LARP4: variants seen among roughly 807,000 people sequenced by gnomAD.
The protein encoded by LARP4 is La ribonucleoprotein 4.
A neutral mutation model predicts 92.9 loss-of-function variants in LARP4; 29 were observed. The ratio of observed to expected loss-of-function variants is 0.31; its 90% CI spans 0.23 to 0.43. The LOEUF is 0.43. Ranked by LOEUF, LARP4 falls within the 20% of genes least tolerant of loss-of-function variation. LARP4 has a pLI of 1.00. For missense variants in LARP4, 732 were observed against 860.0 expected (o/e 0.85, Z 1.86); for synonymous variants, 279 against 284.1 (o/e 0.98, Z 0.18).
intron 14 of LARP4, 68 bp downstream of exon 14, chr12:50,473,604 A>C (rs1957174351): frequency 6.5e-7 from 1 of 1,528,764 alleles, no homozygotes; most frequent in African/African-American, 1.4e-5. Context: ...GGTGGCTCTC[A>C]CCTGTAATCC....
intron 10 of LARP4, among the ~76,000 whole-genome samples, chr12:50,460,463 C>T (rs1955171768): frequency 6.6e-6 from 1 of 151,998 alleles, no homozygotes; most frequent in Non-Finnish European, 1.5e-5. Context: ...AGTAGCTGGG[C>T]ATATTATAGG....
chr12:50,412,402 C>A, intron 1 of LARP4: 1 of 973,086 alleles, frequency 1.0e-6, no homozygotes, highest in Non-Finnish European at 1.2e-6. Flanking sequence ...TTCTGTTTTA[C>A]AGCATTTATG....
chr12:50,473,497 G>A lies in LARP4; in HGVS notation c.1628G>A (p.Ser543Asn), dbSNP rs1361014635. The A allele has an allele frequency of 1.2e-6, 2 of 1,613,320 alleles. No individual in the cohort carries two copies. Among genetic ancestry groups the A allele is most frequent in the Admixed American group, 1.7e-5 (1 of 60,006 alleles). ...ACTTCTGCCCAGCAACTCAATATGA[G>A]TACCAGTTCTCCATGTGCTGCTGAG... is the stretch of plus-strand genomic sequence containing the variant. Reference protein sequence around the residue: ...ECTSAQQLNMSTSSPCAAELT... With the variant: ...ECTSAQQLNMNTSSPCAAELT... The change falls in exon 14 of 16, where the codon AGT becomes AAT. Residue 543 changes from serine to asparagine, a missense_variant. Physicochemically the swap from Ser to Asn is conservative, Grantham distance 46 (BLOSUM62 1). Around this residue, in one of 7 missense-constraint regions of LARP4, gnomAD observed 97 missense variants for 85.9 expected, o/e 1.13. Transcript: ENST00000398473.
rs988122262 is a variant in LARP4 at position 50,469,333 on chromosome 12, G to A, written c.1545+2213G>A. Among the ~76,000 whole-genome samples, 11 of 152,168 alleles carry A rather than the reference G, an allele frequency of 7.2e-5. No individual in the cohort carries two copies. In the South Asian group the frequency reaches 1.7e-3, roughly 23 times the overall value. On this transcript the variant is annotated intron_variant, in intron 13 of 15. Transcript: ENST00000398473. ...TTTTTAAAAAATGTAGGCCAGGTGC[G>A]GTGGCTTACGCCTGTAATCCCAGCA...
At chr12:50,449,196 T>A (rs1419696534) in intron 8 of LARP4, among the ~76,000 whole-genome samples, 3 of 151,736 alleles carry the variant, frequency 2.0e-5, no homozygotes, top group African/African-American at 7.3e-5. Flanking sequence ...TGAGCCGAGA[T>A]CACACCACTG....
intron 1 of LARP4, among the ~76,000 whole-genome samples, chr12:50,407,780 G>A (rs1176486183): frequency 6.6e-6 from 1 of 152,136 alleles, no homozygotes; most frequent in Non-Finnish European, 1.5e-5. Flanking sequence ...CCGAGATCAT[G>A]TCACTGCACT....
intron 8 of LARP4, among the ~76,000 whole-genome samples, chr12:50,448,255 C>T (rs1268489345): frequency 6.6e-6 from 1 of 152,114 alleles, no homozygotes; most frequent in Admixed American, 6.5e-5. Flanking sequence ...TTTTTCCCCC[C>T]ATCTTAACTG....
chr12:50,447,650 A>G (rs994330561), intron 8 of LARP4, among the ~76,000 whole-genome samples: 2 of 151,974 alleles, frequency 1.3e-5, no homozygotes, highest in South Asian at 4.1e-4. Flanking sequence ...TGATCATAGC[A>G]CACTGCCACC....
chr12:50,468,893 C>T (rs1956533130), intron 13 of LARP4, among the ~76,000 whole-genome samples: 1 of 151,860 alleles, frequency 6.6e-6, no homozygotes, highest in South Asian at 2.1e-4. Flanking sequence ...ACATAATATA[C>T]TATGATTGTT....
At chr12:50,409,758 C>G in intron 1 of LARP4, among the ~76,000 whole-genome samples, 1 of 148,322 alleles carries the variant, frequency 6.7e-6, no homozygotes, top group Non-Finnish European at 1.5e-5. Context: ...TAGCAAGATT[C>G]TGTCTCAAAA....
intron 7 of LARP4, chr12:50,441,255 AG>A (rs1435192553): frequency 5.1e-6 from 1 of 194,354 alleles, no homozygotes; most frequent in African/African-American, 2.4e-5. Flanking sequence ...ATCTATGATA[AG>A]GGTGTTTAAA....
At chr12:50,436,155 GGTGTGTGT>G (rs1233189885) in intron 5 of LARP4, among the ~76,000 whole-genome samples, 2 of 107,162 alleles carry the variant, frequency 1.9e-5, no homozygotes, top group Non-Finnish European at 3.8e-5. Flanking sequence ...ATCCCGCTGG[GGTGTGTGT>G]GTGTGTGTAT....
At chr12:50,427,231 ATAT>A (rs1350781298) in intron 1 of LARP4, among the ~76,000 whole-genome samples, 1 of 152,230 alleles carries the variant, frequency 6.6e-6, no homozygotes, top group African/African-American at 2.4e-5. Context: ...AAATTTTATA[ATAT>A]TCTGGAAAAT....
chr12:50,404,562 C>T (rs1257493108), intron 1 of LARP4, among the ~76,000 whole-genome samples: 1 of 151,878 alleles, frequency 6.6e-6, no homozygotes, highest in Non-Finnish European at 1.5e-5. Context: ...ATATTGACTT[C>T]AGTAGATTAT....
intron 8 of LARP4, among the ~76,000 whole-genome samples, chr12:50,446,333 C>CGG (rs1952065227): frequency 6.6e-5 from 1 of 15,068 alleles, no homozygotes; most frequent in South Asian, 5.1e-3. Context: ...CTAGTGGTCT[C>CGG]TCTCTCTCCC....
chr12:50,445,846 T>G (rs1000882353), intron 8 of LARP4, among the ~76,000 whole-genome samples: 1 of 152,164 alleles, frequency 6.6e-6, no homozygotes, highest in African/African-American at 2.4e-5. Context: ...TCCATGAATA[T>G]ATGTACTTGT....
intron 8 of LARP4, among the ~76,000 whole-genome samples, chr12:50,446,429 A>ATAT (rs1256347854): frequency 2.6e-4 from 1 of 3,916 alleles, no homozygotes; most frequent in Non-Finnish European, 4.5e-4. Flanking sequence ...ATATATATAT[A>ATAT]TTTTTTTTTT....
chr12:50,419,461 C>T (rs987311180), intron 1 of LARP4, among the ~76,000 whole-genome samples: 1 of 152,182 alleles, frequency 6.6e-6, no homozygotes, highest in African/African-American at 2.4e-5. Context: ...TTTGATGATT[C>T]TAACCACAGA....
At chr12:50,465,454 G>T (rs1956039042) in intron 12 of LARP4, among the ~76,000 whole-genome samples, 1 of 152,128 alleles carries the variant, frequency 6.6e-6, no homozygotes. Flanking sequence ...TAAACATTGG[G>T]GTTAAAGAAA....
Sources: allele counts gnomAD v4.1 joint callset (sites outside exome capture counted in the v4.1 genomes callset), GRCh38; gene constraint gnomAD v4.1.1; regional missense constraint gnomAD v4.1.1; transcripts MANE v1.5; gene names NCBI Gene and HGNC (gene_info 2026-07-23, HGNC 2026-07-21).